USP33: variants seen among roughly 807,000 people sequenced by gnomAD.
USP33 encodes the protein ubiquitin specific peptidase 33.
In USP33, 46 loss-of-function variants were observed where a neutral mutation model predicts 124.2. The ratio of observed to expected loss-of-function variants is 0.37; its 90% CI spans 0.29 to 0.47. The LOEUF (loss-of-function observed/expected upper bound fraction) is 0.47, where lower values mean the gene tolerates loss of function less well. USP33 is among the 20% of genes least tolerant of loss of function. The probability of loss-of-function intolerance (pLI) is 0.99; values close to 1 mark genes in which losing one functional copy is unlikely to be tolerated. For missense variants in USP33, 851 were observed against 1,070.6 expected (o/e 0.79, Z 2.86); for synonymous variants, 350 against 352.3 (o/e 0.99, Z 0.07).
chr1:77,741,770 C>A (rs770786401), intron 1 of USP33, 22 bp from the exon 2 acceptor site: 80 of 1,500,080 alleles, frequency 5.3e-5, no homozygotes, highest in Middle Eastern at 1.8e-4. Flanking sequence ...GTAACACACA[C>A]AAAAAAATTA....
chr1:77,718,102 T>C, intron 16 of USP33, 55 bp from the exon 17 acceptor site: 1 of 1,438,928 alleles, frequency 6.9e-7, no homozygotes, highest in Non-Finnish European at 9.4e-7. Flanking sequence ...CAAAAAGCAT[T>C]ATAACAGGTA....
At chr1:77,756,419 A>C (rs1415247591) in intron 1 of USP33, among the ~76,000 whole-genome samples, 6 of 152,214 alleles carry the variant, frequency 3.9e-5, no homozygotes, top group African/African-American at 1.4e-4. Flanking sequence ...CTTTCAGCTC[A>C]CTTCAATGTT....
chr1:77,755,023 GAAGA>G (rs1263479078), intron 1 of USP33, among the ~76,000 whole-genome samples: 4 of 152,116 alleles, frequency 2.6e-5, no homozygotes, highest in South Asian at 2.1e-4. Flanking sequence ...AGAAATATTG[GAAGA>G]GAGAGGAAAT....
chr1:77,721,708 A>G (rs1213050873), intron 14 of USP33, 123 bp downstream of exon 14: 21 of 811,730 alleles, frequency 2.6e-5, no homozygotes, highest in Non-Finnish European at 2.9e-5. Context: ...CCGAATGCCA[A>G]TATGTGAATG....
At chr1:77,716,106 T>C (rs987164728) in intron 17 of USP33, among the ~76,000 whole-genome samples, 1 of 152,330 alleles carries the variant, frequency 6.6e-6, no homozygotes, top group East Asian at 1.9e-4. Flanking sequence ...TTGCCCAAGC[T>C]GGCGTTCAGT....
chr1:77,715,467 A>AGTGCT (rs1268096024), intron 18 of USP33, among the ~76,000 whole-genome samples: 1 of 152,234 alleles, frequency 6.6e-6, no homozygotes, highest in Admixed American at 6.5e-5. Flanking sequence ...GGCCTCCCAA[A>AGTGCT]GTGCTGGGAT....
chr1:77,716,198 A>ACAGGTG, intron 17 of USP33, among the ~76,000 whole-genome samples: 1 of 152,268 alleles, frequency 6.6e-6, no homozygotes, highest in Admixed American at 6.5e-5. Flanking sequence ...AATTGGAACT[A>ACAGGTG]CAGGTGCACA....
At chr1:77,756,020 T>G (rs1389661453) in intron 1 of USP33, among the ~76,000 whole-genome samples, 3 of 152,226 alleles carry the variant, frequency 2.0e-5, no homozygotes, top group African/African-American at 7.2e-5. Flanking sequence ...AAAACTAATT[T>G]GAAAGTCAGT....
At chr1:77,706,881 C>T (rs894096059) in intron 21 of USP33, among the ~76,000 whole-genome samples, 2 of 152,176 alleles carry the variant, frequency 1.3e-5, no homozygotes, top group African/African-American at 4.8e-5. Context: ...ACAAGTTTTG[C>T]TTCCCATACT....
rs745352786 is a variant in USP33, at chr1:77,725,787, T to C, written c.1136-25A>G. On this transcript the variant is annotated intron_variant, in intron 10 of 23. Transcript: ENST00000370794. Reference sequence around the variant, plus strand: ...TCTGTAAGATTTAAAATTTGCATTATTACCTTAAATAGTAAAATTATTCTA... The same window carrying C: ...TCTGTAAGATTTAAAATTTGCATTACTACCTTAAATAGTAAAATTATTCTA... The C allele has an allele frequency of 3.2e-6, 5 of 1,579,082 alleles. No individual in the cohort carries two copies. In the Admixed American group the frequency reaches 5.4e-5, roughly 17 times the overall value.
chr1:77,718,677 A>G, intron 15 of USP33, 36 bp from the exon 16 acceptor site: 1 of 1,520,702 alleles, frequency 6.6e-7, no homozygotes, highest in Non-Finnish European at 9.0e-7. Context: ...TTAGTCTACA[A>G]AAAAACTTAG....
chr1:77,741,537 G>C (rs1206971582), intron 2 of USP33, 80 bp downstream of exon 2: 20 of 1,536,060 alleles, frequency 1.3e-5, no homozygotes, highest in Non-Finnish European at 1.7e-5. Context: ...TGCTCATAGA[G>C]TATTACAGTA....
intron 1 of USP33, among the ~76,000 whole-genome samples, chr1:77,754,798 T>C (rs1471907335): frequency 6.6e-6 from 1 of 152,262 alleles, no homozygotes; most frequent in Non-Finnish European, 1.5e-5. Flanking sequence ...GTTCTCTGGC[T>C]ACAACCTATG....
intron 1 of USP33, among the ~76,000 whole-genome samples, chr1:77,754,175 T>C (rs1427311819): frequency 2.0e-5 from 3 of 152,210 alleles, no homozygotes; most frequent in Non-Finnish European, 4.4e-5. Flanking sequence ...CAGCAAGCAC[T>C]TTGCACTAAA....
chr1:77,736,015 G>T (rs766399555), intron 6 of USP33, 41 bp downstream of exon 6: 1 of 1,381,534 alleles, frequency 7.2e-7, no homozygotes. Flanking sequence ...TAAAGAAATG[G>T]GCAGTGCCAT....
At chr1:77,720,247 T>A in intron 15 of USP33, 1 of 861,510 alleles carries the variant, frequency 1.2e-6, no homozygotes, top group Non-Finnish European at 1.4e-6. Flanking sequence ...TATTATATAA[T>A]CAAAATTAAT....
At position 77,728,647 on chromosome 1, in the gene USP33, C is replaced by T. The variant is rs1281374358; in HGVS notation, c.783G>A (p.Met261Ile). The part of the protein sequence containing the change: ...LLHEELKEQV[M>I]EVEEDPQTIT... ...TGGTTTGCGGATCTTCTTCTACTTC[C>T]ATGACTTGCTCTTTCAATTCTTCAT... The change falls in exon 10 of 24, where the codon ATG (methionine) becomes ATA (isoleucine). Residue 261 changes from methionine to isoleucine, a missense_variant. Coordinates refer to ENST00000370794, the MANE Select transcript of USP33 (RefSeq NM_201624.3). The T allele has an allele frequency of 6.2e-7, 1 of 1,614,046 alleles. No homozygotes were observed. The highest frequency in any genetic ancestry group is 8.5e-7 in the Non-Finnish European group (1 of 1,179,998).
intron 1 of USP33, among the ~76,000 whole-genome samples, chr1:77,748,655 G>A (rs1570863602): frequency 6.7e-6 from 1 of 148,874 alleles, no homozygotes; most frequent in East Asian, 2.0e-4. Flanking sequence ...GCGACACAGC[G>A]AGACTCCGTC....
intron 3 of USP33, 50 bp from the exon 4 acceptor site, chr1:77,740,989 G>T: frequency 2.4e-6 from 3 of 1,249,090 alleles, no homozygotes; most frequent in Non-Finnish European, 3.3e-6. Flanking sequence ...TAATATACAT[G>T]TAAATTTATA....
Sources: gnomAD v4.1 joint callset for allele counts (sites outside exome capture counted in the v4.1 genomes callset) on GRCh38, gnomAD v4.1.1 for gene constraint, MANE v1.5 for transcripts, NCBI Gene and HGNC (gene_info 2026-07-23, HGNC 2026-07-21) for gene names.